The following PICALM variants were observed in gnomAD, a reference collection of about 807,000 sequenced individuals.
PICALM encodes phosphatidylinositol binding clathrin assembly protein.
Under a neutral mutation model 80.5 loss-of-function variants are expected in PICALM, and 40 were observed. That is an observed-to-expected ratio of 0.50 (90% CI 0.39 to 0.65). The LOEUF (loss-of-function observed/expected upper bound fraction) is 0.65, where lower values mean the gene tolerates loss of function less well. PICALM is among the 30% of genes least tolerant of loss of function. PICALM has a pLI of 0.00. For synonymous variants in PICALM, 288 were observed against 260.3 expected (o/e 1.11, Z -1.02); for missense variants, 676 against 778.9 (o/e 0.87, Z 1.57).
intron 17 of PICALM, among the ~76,000 whole-genome samples, chr11:85,977,158 TTC>T (rs1277496732): frequency 5.3e-5 from 8 of 152,204 alleles, no homozygotes; most frequent in Admixed American, 5.2e-4. Flanking sequence ...AAAAGTTAGT[TTC>T]TAAGGATCTT....
In PICALM at chr11:86,032,259, T is replaced by G. The variant is rs75227915; in HGVS notation, c.131-648A>C. ...TGAGAACAAAACTGGAAAAAAAGAT[T>G]CTCAATAAAACTTAAGAAGAGTAAC... is the stretch of plus-strand genomic sequence containing the variant. On this transcript the variant is annotated intron_variant, in intron 1 of 19. Coordinates refer to ENST00000393346, the MANE Select transcript of PICALM (RefSeq NM_007166.4). Among the ~76,000 whole-genome samples, 644 of 152,272 alleles carry G rather than the reference T, an allele frequency of 4.2e-3. 3 individuals are homozygous for G. The highest frequency in any genetic ancestry group is 0.015 in the East Asian group (78 of 5,184).
chr11:85,999,725 G>A (rs1487975867), intron 11 of PICALM, among the ~76,000 whole-genome samples: 3 of 152,206 alleles, frequency 2.0e-5, no homozygotes, highest in Non-Finnish European at 4.4e-5. Context: ...AGGCAGATGA[G>A]CTTTTAAGGG....
intron 13 of PICALM, among the ~76,000 whole-genome samples, chr11:85,986,124 G>T (rs182670401): frequency 1.8e-3 from 275 of 149,964 alleles, no homozygotes; most frequent in African/African-American, 6.3e-3. Flanking sequence ...GAGGGAAAAA[G>T]TAAAAAAAAG....
chr11:86,008,821 T>G (rs1030670584), intron 7 of PICALM, among the ~76,000 whole-genome samples: 14 of 151,230 alleles, frequency 9.3e-5, no homozygotes, highest in Non-Finnish European at 1.5e-4. Flanking sequence ...CCGGGCGCGG[T>G]GGCTCACGCC....
intron 3 of PICALM, among the ~76,000 whole-genome samples, chr11:86,025,940 C>G (rs1319031544): frequency 2.0e-5 from 3 of 152,166 alleles, no homozygotes; most frequent in Non-Finnish European, 4.4e-5. Flanking sequence ...GACAATCTTA[C>G]TGGGTAGGTA....
chr11:86,035,452 TA>T (rs557436020), intron 1 of PICALM, among the ~76,000 whole-genome samples: 27 of 152,304 alleles, frequency 1.8e-4, no homozygotes, highest in African/African-American at 5.8e-4. Flanking sequence ...TAAGATTTTC[TA>T]AAAAAGAAGC....
intron 19 of PICALM, among the ~76,000 whole-genome samples, chr11:85,970,485 G>C (rs1016139931): frequency 6.6e-6 from 1 of 152,228 alleles, no homozygotes; most frequent in Non-Finnish European, 1.5e-5. Flanking sequence ...TGGAAGGAAA[G>C]CTGAGAAAAG....
chr11:86,003,671 G>C (rs1198702286), intron 8 of PICALM: 2 of 359,586 alleles, frequency 5.6e-6, no homozygotes, highest in Non-Finnish European at 9.9e-6. Context: ...AAAACGTTAA[G>C]AACTGAAAAC....
At chr11:86,063,344 C>A (rs538027912) in intron 1 of PICALM, among the ~76,000 whole-genome samples, 80 of 145,676 alleles carry the variant, frequency 5.5e-4, no homozygotes, top group African/African-American at 2.0e-3. Flanking sequence ...TAAAAATTAT[C>A]CAGATATATA....
At position 86,012,370 on chromosome 11, in the gene PICALM, T is replaced by C. The variant is rs1409030565; in HGVS notation, c.569A>G (p.Asn190Ser). The change falls in exon 6 of 20, where the codon AAT (asparagine) becomes AGT (serine). Residue 190 changes from asparagine to serine, a missense_variant. Physicochemically the swap from Asn to Ser is conservative, Grantham distance 46 (BLOSUM62 1). This residue lies in a region of PICALM where 285 missense variants were observed against 395.4 expected (regional missense o/e 0.72). Transcript: ENST00000393346. Reference protein sequence around the residue: ...DFNVNSNELTNGVINAAFMLL... With the variant: ...DFNVNSNELTSGVINAAFMLL... ...CATGAAGGCAGCATTTATTACCCCA[T>C]TTGTAAGTTCATTGCTATTAACCTA... is the stretch of plus-strand genomic sequence containing the variant. 6.2e-7 allele frequency: 1 copy of C among 1,607,382 alleles called. No individual in the cohort carries two copies. The highest frequency in any genetic ancestry group is 1.7e-5 in the Admixed American group (1 of 59,842).
intron 19 of PICALM, chr11:85,960,707 A>G: frequency 7.6e-7 from 1 of 1,318,218 alleles, no homozygotes. Flanking sequence ...CTCCAAAGAG[A>G]GCTCTGCAAA....
intron 1 of PICALM, among the ~76,000 whole-genome samples, chr11:86,036,170 T>C (rs1031878487): frequency 1.3e-5 from 2 of 152,152 alleles, no homozygotes; most frequent in African/African-American, 4.8e-5. Flanking sequence ...TATAGCAAAA[T>C]TGTTTTAAGT....
At chr11:86,060,046 G>A (rs2096334129) in intron 1 of PICALM, among the ~76,000 whole-genome samples, 1 of 152,164 alleles carries the variant, frequency 6.6e-6, no homozygotes. Flanking sequence ...AGTGGACATA[G>A]GGATTATGAT....
chr11:86,047,026 T>C (rs1046197661), intron 1 of PICALM, among the ~76,000 whole-genome samples: 3 of 152,250 alleles, frequency 2.0e-5, no homozygotes, highest in Admixed American at 1.3e-4. Context: ...AATGCTCTAT[T>C]ATAATATCTC....
intron 7 of PICALM, among the ~76,000 whole-genome samples, chr11:86,007,941 C>T (rs183050382): frequency 6.7e-6 from 1 of 150,296 alleles, no homozygotes; most frequent in Non-Finnish European, 1.5e-5. Context: ...TGACCATGAA[C>T]AAGCTCTTTG....
intron 17 of PICALM, 95 bp from the exon 18 acceptor site, chr11:85,976,777 T>C (rs144890643): frequency 3.5e-5 from 26 of 732,530 alleles, no homozygotes; most frequent in African/African-American, 1.1e-4. Context: ...CTAAAAAGAA[T>C]TGCTAAGACA....
chr11:86,010,621 C>T (rs2095377026), intron 7 of PICALM, among the ~76,000 whole-genome samples: 1 of 152,100 alleles, frequency 6.6e-6, no homozygotes, highest in Non-Finnish European at 1.5e-5. Flanking sequence ...GGTGCCCAGC[C>T]AACGAAAACA....
intron 1 of PICALM, among the ~76,000 whole-genome samples, chr11:86,042,624 CTGTT>C (rs1483356802): frequency 6.7e-6 from 1 of 148,394 alleles, no homozygotes; most frequent in Non-Finnish European, 1.5e-5. Flanking sequence ...AACTTACTAA[CTGTT>C]CGTTAGCCCA....
chr11:86,062,963 C>G (rs1210065321), intron 1 of PICALM, among the ~76,000 whole-genome samples: 1 of 152,170 alleles, frequency 6.6e-6, no homozygotes, highest in African/African-American at 2.4e-5. Context: ...CTACTTCTTC[C>G]TGGTAGGGCT....
Sources: allele counts gnomAD v4.1 joint callset (sites outside exome capture counted in the v4.1 genomes callset), GRCh38; gene constraint gnomAD v4.1.1; regional missense constraint gnomAD v4.1.1; transcripts MANE v1.5; gene names NCBI Gene and HGNC (gene_info 2026-07-23, HGNC 2026-07-21).